DCC: variants seen among roughly 807,000 people sequenced by gnomAD.
DCC encodes DCC netrin 1 receptor, also known as netrin receptor DCC.
In DCC, 58 loss-of-function variants were observed where a neutral mutation model predicts 172.5. The ratio of observed to expected loss-of-function variants is 0.34; its 90% CI spans 0.27 to 0.42. The LOEUF (loss-of-function observed/expected upper bound fraction) is 0.42. Among genes scored for constraint, DCC ranks in the 10% least tolerant of loss-of-function variants. DCC has a pLI of 1.00. For synonymous variants in DCC, 709 were observed against 644.5 expected (o/e 1.10, Z -1.52); for missense variants, 1,740 against 1,791.0 (o/e 0.97, Z 0.51).
chr18:53,281,227 AT>A (rs1239220363), intron 12 of DCC, among the ~76,000 whole-genome samples: 1 of 152,184 alleles, frequency 6.6e-6, no homozygotes, highest in Non-Finnish European at 1.5e-5. Flanking sequence ...TCAACTTTCC[AT>A]TTTTTAAATA....
At chr18:52,896,269 A>G (rs2039728675) in intron 2 of DCC, among the ~76,000 whole-genome samples, 1 of 152,132 alleles carries the variant, frequency 6.6e-6, no homozygotes, top group South Asian at 2.1e-4. Flanking sequence ...CCACATTAGA[A>G]ATTTAAAGAA....
At chr18:53,410,177 C>A (rs539196228) in intron 19 of DCC, among the ~76,000 whole-genome samples, 156 of 152,162 alleles carry the variant, frequency 1.0e-3, no homozygotes, top group African/African-American at 3.6e-3. Flanking sequence ...AACTAATAAT[C>A]AGGATTTATA....
chr18:53,174,845 A>T (rs2055066149), intron 8 of DCC, among the ~76,000 whole-genome samples: 2 of 152,128 alleles, frequency 1.3e-5, no homozygotes, highest in African/African-American at 4.8e-5. Flanking sequence ...CATCATTCTG[A>T]TACCAAAGCC....
At chr18:53,284,089 T>G (rs2056906137) in intron 12 of DCC, among the ~76,000 whole-genome samples, 1 of 152,206 alleles carries the variant, frequency 6.6e-6, no homozygotes, top group African/African-American at 2.4e-5. Flanking sequence ...ACCATTCATT[T>G]GCACGTGGCA....
chr18:53,122,106 T>C (rs1223897629), intron 7 of DCC, among the ~76,000 whole-genome samples: 1 of 151,994 alleles, frequency 6.6e-6, no homozygotes, highest in African/African-American at 2.4e-5. Context: ...TGCATGAGTT[T>C]TAACCAACTG....
chr18:53,096,254 G>A (rs2043086785), intron 7 of DCC, among the ~76,000 whole-genome samples: 1 of 152,090 alleles, frequency 6.6e-6, no homozygotes, highest in Non-Finnish European at 1.5e-5. Context: ...CAGGAAGATC[G>A]CTTGAGCCTG....
In DCC at chr18:52,783,323, C is replaced by CTT. The variant is rs374129823; in HGVS notation, c.412+30986_412+30987dup. Among the ~76,000 whole-genome samples the CTT allele has an allele frequency of 1.3e-3, 75 of 59,248 alleles. 13 individuals carry two copies. Among genetic ancestry groups the CTT allele is most frequent in the African/African-American group, 4.6e-3 (58 of 12,480 alleles). 38.9% of individuals were successfully genotyped at this position (59,248 alleles called of 152,430 possible). A position where few individuals can be genotyped will look rare whatever the true frequency, so the allele number is the denominator to read the frequency against. ...ACTAAAAATAATTTATACTACTACT[C>CTT]TTTTTTTTTTTTTTTTTTTTTTTTT... On this transcript the variant is annotated intron_variant, in intron 2 of 28. Coordinates refer to ENST00000442544, the MANE Select transcript of DCC (RefSeq NM_005215.4).
At chr18:53,193,862 T>A (rs534380744) in intron 9 of DCC, among the ~76,000 whole-genome samples, 1 of 152,242 alleles carries the variant, frequency 6.6e-6, no homozygotes, top group Non-Finnish European at 1.5e-5. Context: ...AGGATCTTTT[T>A]TTCATTATGT....
intron 7 of DCC, among the ~76,000 whole-genome samples, chr18:53,132,065 C>A (rs1168594668): frequency 7.2e-6 from 1 of 139,042 alleles, no homozygotes; most frequent in Non-Finnish European, 1.5e-5. Flanking sequence ...TTTTTAGACA[C>A]TTTTATAGTG....
At chr18:53,502,203 TTA>T (rs1195423048) in intron 27 of DCC, among the ~76,000 whole-genome samples, 1 of 152,198 alleles carries the variant, frequency 6.6e-6, no homozygotes, top group Non-Finnish European at 1.5e-5. Context: ...TTGTTTGATT[TTA>T]TGTTTTTTAT....
intron 9 of DCC, among the ~76,000 whole-genome samples, chr18:53,186,369 G>T (rs111569671): frequency 6.6e-6 from 1 of 152,170 alleles, no homozygotes. Context: ...CCTACTAAAC[G>T]TGAAAGCGGT....
At chr18:53,101,311 G>A (rs1249519281) in intron 7 of DCC, among the ~76,000 whole-genome samples, 4 of 151,970 alleles carry the variant, frequency 2.6e-5, no homozygotes, top group Admixed American at 2.0e-4. Context: ...AAGTTGTGAT[G>A]TTAGCAAGTC....
chr18:53,193,927 C>CTTTT (rs2055402961), intron 9 of DCC, among the ~76,000 whole-genome samples: 1 of 152,160 alleles, frequency 6.6e-6, no homozygotes, highest in African/African-American at 2.4e-5. Context: ...TCCTTTTCCT[C>CTTTT]TAATAAATGA....
chr18:52,441,916 G>T (rs141201078), intron 1 of DCC, among the ~76,000 whole-genome samples: 1,715 of 152,238 alleles, frequency 0.011, 17 homozygotes, highest in Middle Eastern at 0.027. Flanking sequence ...TCAGAATTCT[G>T]CCAGTGAAGG....
intron 1 of DCC, among the ~76,000 whole-genome samples, chr18:52,732,491 C>G (rs2036658784): frequency 6.6e-6 from 1 of 152,050 alleles, no homozygotes; most frequent in African/African-American, 2.4e-5. Context: ...TGATGATTAC[C>G]TTAGAGCAGG....
intron 12 of DCC, among the ~76,000 whole-genome samples, chr18:53,289,106 A>T (rs2056968750): frequency 6.6e-6 from 1 of 152,144 alleles, no homozygotes; most frequent in African/African-American, 2.4e-5. Flanking sequence ...TACAGACATT[A>T]ATTAGTTCAC....
chr18:53,003,251 C>A (rs560046004), intron 5 of DCC, among the ~76,000 whole-genome samples: 1 of 152,200 alleles, frequency 6.6e-6, no homozygotes, highest in African/African-American at 2.4e-5. Flanking sequence ...AAATCACCAT[C>A]CTTTAATTAA....
intron 5 of DCC, among the ~76,000 whole-genome samples, chr18:53,038,004 C>A (rs2042119433): frequency 6.6e-6 from 1 of 151,896 alleles, no homozygotes; most frequent in Admixed American, 6.6e-5. Context: ...ATAGATCTCA[C>A]CCTAGAGATG....
intron 5 of DCC, among the ~76,000 whole-genome samples, chr18:53,057,338 A>G (rs566050363): frequency 2.6e-5 from 4 of 152,060 alleles, no homozygotes; most frequent in African/African-American, 9.6e-5. Context: ...TGCCTGTACA[A>G]CTCTTAACAA....
Sources: gnomAD v4.1 joint callset for allele counts (sites outside exome capture counted in the v4.1 genomes callset) on GRCh38, gnomAD v4.1.1 for gene constraint, MANE v1.5 for transcripts, NCBI Gene and HGNC (gene_info 2026-07-23, HGNC 2026-07-21) for gene names.